Variants in SLC12A4 observed in about 807,000 individuals in gnomAD.
SLC12A4 encodes the protein electroneutral potassium-chloride cotransporter 1.
In SLC12A4, 84 loss-of-function variants were observed where a neutral mutation model predicts 119.2. That is an observed-to-expected ratio of 0.70 (90% CI 0.59 to 0.85). The LOEUF is 0.85. Among genes scored for constraint, SLC12A4 ranks in the 40% least tolerant of loss-of-function variants. SLC12A4 has a pLI of 0.00. For synonymous variants in SLC12A4, 599 were observed against 604.6 expected, an observed-to-expected ratio of 0.99 and a Z score of 0.14; for missense variants, 1,298 against 1,476.3, an observed-to-expected ratio of 0.88 and a Z score of 1.98.
intron 3 of SLC12A4, among the ~76,000 whole-genome samples, chr16:67,961,159 G>T (rs2030539774): frequency 6.6e-6 from 1 of 152,198 alleles, no homozygotes; most frequent in African/African-American, 2.4e-5. Context: ...ATTACACATT[G>T]ATCTTGTCTA....
rs2058396085 is a variant in SLC12A4 at position 67,950,034 on chromosome 16, CT to C, written c.1630-117del. 1 of 813,510 alleles carries C rather than the reference CT, an allele frequency of 1.2e-6. No homozygotes were observed. The highest frequency in any genetic ancestry group is 2.6e-5 in the East Asian group (1 of 38,366). The allele number at this position is 813,510 out of a possible 1,614,324, so 50.4% of individuals were successfully genotyped here. A position where few individuals can be genotyped will look rare whatever the true frequency, so the allele number is the denominator to read the frequency against. On this transcript the variant is annotated intron_variant, in intron 12 of 23. Coordinates refer to ENST00000316341, the MANE Select transcript of SLC12A4 (RefSeq NM_005072.5). This position sits in a 1 kb window ranked among gnomAD's most constrained non-coding sequence, Gnocchi z 4.3. ...CCCGCCTTGGGGGCTCAGGCCGCCC[CT>C]GTGTCTATCCCTATGGGTGTCACCA...
rs781517377 is a variant in SLC12A4 at position 67,950,275 on chromosome 16, G to A, written c.1629+44C>T. On this transcript the variant is annotated intron_variant, in intron 12 of 23. Transcript: ENST00000316341. The surrounding 1 kb of genome is among the most constrained non-coding windows in gnomAD (Gnocchi z 4.3). ...CTATCTCTCTCCCCAGCCGGGCGAG[G>A]GCCTGGGAGCAGCCAGGCCATGGGG... 2 of 1,595,972 alleles carry A rather than the reference G, an allele frequency of 1.3e-6. No individual in the cohort carries two copies. The highest frequency in any genetic ancestry group is 2.2e-5 in the South Asian group (2 of 90,096).
intron 3 of SLC12A4, among the ~76,000 whole-genome samples, 184 bp downstream of exon 3, chr16:67,961,391 G>T (rs78018091): frequency 0.034 from 5,204 of 152,188 alleles, 125 homozygotes; most frequent in South Asian, 0.098. Context: ...CCCCCGGGGG[G>T]ATTCTCATTA....
chr16:67,965,658 C>G (rs2030834995), intron 1 of SLC12A4, among the ~76,000 whole-genome samples: 1 of 152,176 alleles, frequency 6.6e-6, no homozygotes, highest in African/African-American at 2.4e-5. Flanking sequence ...GACTGTATTG[C>G]TATCCAGAAA....
rs1178522666 is a variant in SLC12A4, at chr16:67,944,936, AGGG to A, written c.3167-8_3167-6del. 8.1e-6 allele frequency: 13 copies of A among 1,613,320 alleles called. No homozygotes were observed. The highest frequency in any genetic ancestry group is 1.1e-5 in the Non-Finnish European group (13 of 1,179,966). On this transcript the variant is annotated splice_polypyrimidine_tract_variant and splice_region_variant and intron_variant, in intron 23 of 23. Coordinates refer to ENST00000316341, the MANE Select transcript of SLC12A4 (RefSeq NM_005072.5). The surrounding 1 kb of genome is among the most constrained non-coding windows in gnomAD (Gnocchi z 6.6). ...GCACCTCGAGGAACTCCATGTCTGC[AGGG>A]CCTCAAGTCAAGGAGGCAACAACAG...
chr16:67,947,375 C>T lies in SLC12A4; in HGVS notation c.2028G>A (p.Ala676=), dbSNP rs764046520. ...GAGGCCCCTCCTCCAGCCGCAACAG[C>T]GCGTAGCGGGCAGCGCTCAGGGACA... The part of the protein sequence containing the change: ...RGLSLSAARY[A]LLRLEEGPPH... Residue 676 remains alanine (A), a synonymous_variant, in exon 16 of 24, where the codon GCG becomes GCA. Coordinates refer to ENST00000316341, the MANE Select transcript of SLC12A4 (RefSeq NM_005072.5). 167 of 1,612,750 alleles carry T rather than the reference C, an allele frequency of 1.0e-4. 4 individuals carry two copies. The South Asian group carries it at 1.7e-3, about 16-fold the overall frequency.
intron 6 of SLC12A4, chr16:67,954,361 T>A: frequency 2.1e-6 from 1 of 468,320 alleles, no homozygotes; most frequent in South Asian, 2.4e-5. Flanking sequence ...AATACAACAG[T>A]TCCTGGAACC....
At position 67,951,951 on chromosome 16, in the gene SLC12A4, G is replaced by A. The variant is rs1223130666; in HGVS notation, c.1004C>T (p.Ala335Val). 6.2e-7 allele frequency: 1 copy of A among 1,614,082 alleles called. No homozygotes were observed. Among genetic ancestry groups the A allele is most frequent in the Non-Finnish European group, 8.5e-7 (1 of 1,180,018 alleles). The stretch of plus-strand genomic sequence containing the variant: ...GCAGAAGAAACTCCATAGCTGGGTG[G>A]CCACTGTCTCATTGTCCACTACAGC... Reference protein sequence around the residue: ...KTAVVDNETVATQLWSFFCHS... With the variant: ...KTAVVDNETVVTQLWSFFCHS... The change falls in exon 8 of 24, where the codon GCC (alanine) becomes GTC (valine). Residue 335 changes from alanine to valine, a missense_variant. By Grantham distance (64) the Ala-to-Val change is moderately conservative (BLOSUM62 0). Coordinates refer to ENST00000316341, the MANE Select transcript of SLC12A4 (RefSeq NM_005072.5). This position sits in a 1 kb window ranked among gnomAD's most constrained non-coding sequence, Gnocchi z 5.2.
chr16:67,952,425 T>C lies in SLC12A4; in HGVS notation c.676A>G (p.Thr226Ala). The change falls in exon 7 of 24, where the codon ACC becomes GCC. Residue 226 changes from threonine (T) to alanine (A), a missense_variant and splice_region_variant. Transcript: ENST00000316341. ...YILGAIEILL[T>A]YIAPPAAIFY... ...ATGGCAGCTGGTGGGGCAATGTAGG[T>C]CTGAAACAAGAAGATGGATAAGGAG... is the stretch of plus-strand genomic sequence containing the variant. 6.2e-7 allele frequency: 1 copy of C among 1,613,770 alleles called. No homozygotes were observed. Among genetic ancestry groups the C allele is most frequent in the Non-Finnish European group, 8.5e-7 (1 of 1,179,640 alleles).
rs779500973 is a variant in SLC12A4 at position 67,954,790 on chromosome 16, A to G, written c.545-17T>C. 1 of 1,614,134 alleles carries G rather than the reference A, an allele frequency of 6.2e-7. No individual in the cohort carries two copies. Among genetic ancestry groups the G allele is most frequent in the Non-Finnish European group, 8.5e-7 (1 of 1,179,990 alleles). On this transcript the variant is annotated splice_polypyrimidine_tract_variant and intron_variant, in intron 5 of 23. Transcript: ENST00000316341. ...AGCCCCCAGCTACAGCAGAGAAATG[A>G]AAGTGTGCACAGGTCAAGGCTGGTT... is the stretch of plus-strand genomic sequence containing the variant.
In SLC12A4 at chr16:67,944,302, G is replaced by A; in HGVS notation, c.*538C>T. The A allele has an allele frequency of 7.1e-7, 1 of 1,410,528 alleles. No homozygotes were observed. The highest frequency in any genetic ancestry group is 9.2e-7 in the Non-Finnish European group (1 of 1,084,318). 87.4% of individuals were successfully genotyped at this position (1,410,528 alleles called of 1,614,324 possible). On this transcript the variant is annotated 3_prime_UTR_variant, in exon 24 of 24. Coordinates refer to ENST00000316341, the MANE Select transcript of SLC12A4 (RefSeq NM_005072.5). The surrounding 1 kb of genome is among the most constrained non-coding windows in gnomAD (Gnocchi z 6.6). The stretch of plus-strand genomic sequence containing the variant: ...TCCGCCTTCTTCTCTTGGCGCCAGG[G>A]GAAACAGAGCCGGGGCAGCAGGAGG...
chr16:67,947,144 G>C lies in SLC12A4; in HGVS notation c.2073-39C>G, dbSNP rs374714017. 942 of 1,547,842 alleles carry C rather than the reference G, an allele frequency of 6.1e-4. 7 individuals are homozygous for C. In the African/African-American group the frequency reaches 0.012, roughly 19 times the overall value. On this transcript the variant is annotated intron_variant, in intron 16 of 23. Transcript: ENST00000316341. ...GTGGGGGGAGCCTGAGACCAGGGCC[G>C]GCCGTTCTAGGGAGCCCCTCCTCTT... is the stretch of plus-strand genomic sequence containing the variant.
rs777706452 is a variant in SLC12A4 at position 67,945,095 on chromosome 16, T to C, written c.3158A>G (p.Asp1053Gly). The stretch of plus-strand genomic sequence containing the variant: ...TCTCCACAAAGGGATACAGTTCTCG[T>C]CGCCCTCACTGTTCCTGGGTGGGCC... ...MPGPPRNSEG[D>G]ENYMEFLEVL... The change falls in exon 23 of 24, where the codon GAC becomes GGC. Residue 1053 changes from aspartate (D) to glycine (G), a missense_variant. By Grantham distance (94) the Asp-to-Gly change is moderately conservative. Coordinates refer to ENST00000316341, the MANE Select transcript of SLC12A4 (RefSeq NM_005072.5). 65 of 1,581,348 alleles carry C rather than the reference T, an allele frequency of 4.1e-5. No individual in the cohort carries two copies. Among genetic ancestry groups the C allele is most frequent in the African/African-American group, 1.4e-5 (1 of 73,928 alleles).
intron 16 of SLC12A4, 83 bp downstream of exon 16, chr16:67,947,248 G>A (rs1028697245): frequency 1.3e-6 from 2 of 1,505,558 alleles, no homozygotes; most frequent in African/African-American, 2.8e-5. Flanking sequence ...CCAGGATGGG[G>A]AGCCGGCACC....
chr16:67,958,216 T>A lies in SLC12A4; in HGVS notation c.343-172A>T, dbSNP rs931457755. ...ACTTTCATATAGGAAGACAGTTGAGTCTGGGAAGGTGTAAAACCTGATTCT... is the reference window on the plus strand; with the variant it reads ...ACTTTCATATAGGAAGACAGTTGAGACTGGGAAGGTGTAAAACCTGATTCT... On this transcript the variant is annotated intron_variant, in intron 3 of 23. Coordinates refer to ENST00000316341, the MANE Select transcript of SLC12A4 (RefSeq NM_005072.5). 2.0e-5 allele frequency among the ~76,000 whole-genome samples: 3 copies of A among 152,110 alleles called. No homozygotes were observed. The East Asian group carries it at 5.8e-4, about 29-fold the overall frequency.
rs1478409092 is a variant in SLC12A4, at chr16:67,952,362, T to A, written c.739A>T (p.Thr247Ser). The change falls in exon 7 of 24, where the codon ACT (threonine) becomes TCT (serine). Residue 247 changes from threonine to serine, a missense_variant. By Grantham distance (58) the Thr-to-Ser change is moderately conservative. Coordinates refer to ENST00000316341, the MANE Select transcript of SLC12A4 (RefSeq NM_005072.5). ...CCATACACACGCATATTGTTCAAAG[T>A]GGCATTCGACGTGTCATGAGCACCC... ...PSGAHDTSNA[T>S]LNNMRVYGTI... The A allele has an allele frequency of 1.9e-6, 3 of 1,614,164 alleles. No individual in the cohort carries two copies. The highest frequency in any genetic ancestry group is 2.5e-6 in the Non-Finnish European group (3 of 1,180,026).
chr16:67,948,098 T>G lies in SLC12A4; in HGVS notation c.1810A>C (p.Thr604Pro), dbSNP rs534127572. The G allele has an allele frequency of 6.2e-7, 1 of 1,613,128 alleles. No individual in the cohort carries two copies. The highest frequency in any genetic ancestry group is 1.7e-5 in the Admixed American group (1 of 60,022). ...TTGAACCGGGGCCGCCAGTTGGGGG[T>G]CCTCAGGAGTGTCTGCACCGCACAG... Reference protein sequence around the residue: ...LACAVQTLLRTPNWRPRFKYY... With the variant: ...LACAVQTLLRPPNWRPRFKYY... Residue 604 changes from threonine (T) to proline (P), a missense_variant, in exon 14 of 24, where the codon ACC becomes CCC. Physicochemically the swap from Thr to Pro is conservative, Grantham distance 38. Transcript: ENST00000316341.
At chr16:67,960,947 T>A (rs2030529523) in intron 3 of SLC12A4, among the ~76,000 whole-genome samples, 1 of 151,960 alleles carries the variant, frequency 6.6e-6, no homozygotes, top group African/African-American at 2.4e-5. Flanking sequence ...CTTCTGCCAA[T>A]AGAGCCTTGG....
intron 5 of SLC12A4, among the ~76,000 whole-genome samples, chr16:67,954,976 C>T (rs1020526132): frequency 6.6e-6 from 1 of 152,212 alleles, no homozygotes; most frequent in African/African-American, 2.4e-5. Context: ...CCATCTGACT[C>T]GAATGTCCAG....
Sources: allele counts gnomAD v4.1 joint callset (sites outside exome capture counted in the v4.1 genomes callset), GRCh38; gene constraint gnomAD v4.1.1; non-coding constraint Gnocchi (gnomAD v3.1); transcripts MANE v1.5; gene names NCBI Gene and HGNC (gene_info 2026-07-23, HGNC 2026-07-21).